PURB: variants seen among roughly 807,000 people sequenced by gnomAD.
PURB encodes the protein transcriptional regulator protein Pur-beta.
PURB carries 11 observed loss-of-function variants against 21.1 expected under a neutral mutation model. That is an observed-to-expected ratio of 0.52 (90% CI 0.33 to 0.86). The LOEUF is 0.86. PURB is among the 40% of genes least tolerant of loss of function. The pLI is 0.02. For missense variants in PURB, 357 were observed against 456.5 expected (o/e 0.78, Z 1.99); for synonymous variants, 246 against 210.8 (o/e 1.17, Z -1.45).
Position 44,880,135 on chromosome 7 carries a change from A to C in PURB, c.*4275T>G, listed in dbSNP as rs1244854470. 1 of 152,216 alleles carries C rather than the reference A, an allele frequency of 6.6e-6. No individual in the cohort carries two copies. The highest frequency in any genetic ancestry group is 1.5e-5 in the Non-Finnish European group (1 of 68,030). 9.4% of individuals were successfully genotyped at this position (152,216 alleles called of 1,614,324 possible). A position where few individuals can be genotyped will look rare whatever the true frequency, so the allele number is the denominator to read the frequency against. On this transcript the variant is annotated 3_prime_UTR_variant, in exon 1 of 1. Transcript: ENST00000395699. ...AGAGCAATTCTGATACTTCCTAAAAATATAAGATAACTCAACTGAATTAAC... is the reference window on the plus strand; with the variant it reads ...AGAGCAATTCTGATACTTCCTAAAACTATAAGATAACTCAACTGAATTAAC...
In PURB at chr7:44,877,145, T is replaced by C. The variant is rs1040507156; in HGVS notation, c.*7265A>G. ...ACTGGCAGGACATCAGTCCCAGCTT[T>C]GGAGTGAATAGTCTAAGAAAGCCAC... On this transcript the variant is annotated 3_prime_UTR_variant, in exon 1 of 1. Transcript: ENST00000395699. The C allele has an allele frequency of 6.5e-6, 1 of 152,768 alleles. No homozygotes were observed. 9.5% of individuals were successfully genotyped at this position (152,768 alleles called of 1,614,324 possible).
rs1261447043 is a variant in PURB, at chr7:44,884,959, C to T, written c.390G>A (p.Lys130=). The stretch of plus-strand genomic sequence containing the variant: ...GGTTCTCCTTGAGGTCCAGGTAGTA[C>T]TTGCGGTTCTCACGCACCAAGAATT... ...KSEFLVRENR[K]YYLDLKENQR... Residue 130 remains lysine (K), a synonymous_variant, in exon 1 of 1, where the codon AAG becomes AAA. Transcript: ENST00000395699. 1.3e-6 allele frequency: 2 copies of T among 1,578,052 alleles called. No homozygotes were observed. The highest frequency in any genetic ancestry group is 1.7e-6 in the Non-Finnish European group (2 of 1,164,852).
chr7:44,882,694 A>AG lies in PURB; in HGVS notation c.*1715dup, dbSNP rs917532057. ...ATAAATTAAAAAGGCAGCTCAAATA[A>AG]GGGGCAGGCATGCAGTTTAAAAAAA... On this transcript the variant is annotated 3_prime_UTR_variant, in exon 1 of 1. Transcript: ENST00000395699. The AG allele has an allele frequency of 1.3e-5, 2 of 152,218 alleles. No individual in the cohort carries two copies. Among genetic ancestry groups the AG allele is most frequent in the African/African-American group, 4.8e-5 (2 of 41,472 alleles). 9.4% of individuals were successfully genotyped at this position (152,218 alleles called of 1,614,324 possible). A position where few individuals can be genotyped will look rare whatever the true frequency, so the allele number is the denominator to read the frequency against.
Position 44,885,188 on chromosome 7 carries a change from G to C in PURB, c.161C>G (p.Ala54Gly). The C allele has an allele frequency of 6.3e-7, 1 of 1,588,508 alleles. No individual in the cohort carries two copies. Among genetic ancestry groups the C allele is most frequent in the Non-Finnish European group, 8.5e-7 (1 of 1,171,470 alleles). The change falls in exon 1 of 1, where the codon GCC becomes GGC. Residue 54 changes from alanine (A) to glycine (G), a missense_variant. Ala to Gly is a moderately conservative substitution (Grantham distance 60, BLOSUM62 0). Transcript: ENST00000395699. ...KRFYLDVKQN[A>G]KGRFLKIAEV... ...GGCGATCTTGAGGAAGCGGCCCTTG[G>C]CGTTCTGCTTCACATCTAAGTAGAA...
chr7:44,885,049 G>A lies in PURB; in HGVS notation c.300C>T (p.Ser100=), dbSNP rs1311137995. 2 of 1,559,874 alleles carry A rather than the reference G, an allele frequency of 1.3e-6. No homozygotes were observed. The highest frequency in any genetic ancestry group is 1.7e-6 in the Non-Finnish European group (2 of 1,156,190). The change falls in exon 1 of 1, where the codon AGC becomes AGT. Residue 100 remains serine (S), a synonymous_variant. Transcript: ENST00000395699. ...CGCCAGCCGCCAGCTGCTCGGGGCT[G>A]CTAGGGCCCAGCTGCGCGTAGTGTT... ...FIEHYAQLGP[S]SPEQLAAGAE... is the part of the protein sequence containing the mutation.
At position 44,883,473 on chromosome 7, in the gene PURB, G is replaced by A. The variant is rs1793908909; in HGVS notation, c.*937C>T. The A allele has an allele frequency of 6.6e-6, 1 of 152,606 alleles. No individual in the cohort carries two copies. The highest frequency in any genetic ancestry group is 2.4e-5 in the African/African-American group (1 of 41,430). The allele number at this position is 152,606 out of a possible 1,614,324, so 9.5% of individuals were successfully genotyped here. A position where few individuals can be genotyped will look rare whatever the true frequency, so the allele number is the denominator to read the frequency against. On this transcript the variant is annotated 3_prime_UTR_variant, in exon 1 of 1. Transcript: ENST00000395699. ...CTCATTCATACCAAAGCATTTCTTG[G>A]TAATGACCTCCATATTTAGAGATCA...
Position 44,882,434 on chromosome 7 carries a change from A to T in PURB, c.*1976T>A, listed in dbSNP as rs1223170588. 1 of 152,662 alleles carries T rather than the reference A, an allele frequency of 6.6e-6. No homozygotes were observed. Among genetic ancestry groups the T allele is most frequent in the Non-Finnish European group, 1.5e-5 (1 of 68,040 alleles). 9.5% of individuals were successfully genotyped at this position (152,662 alleles called of 1,614,324 possible). A position where few individuals can be genotyped will look rare whatever the true frequency, so the allele number is the denominator to read the frequency against. On this transcript the variant is annotated 3_prime_UTR_variant, in exon 1 of 1. Transcript: ENST00000395699. ...CTGTGGATGATGAGAGTAGAGAAAT[A>T]GTCTGAAAAGGGCACCAATGTTTGT... is the stretch of plus-strand genomic sequence containing the variant.
chr7:44,884,199 C>T lies in PURB; in HGVS notation c.*211G>A. The T allele has an allele frequency of 2.6e-6, 3 of 1,164,044 alleles. No individual in the cohort carries two copies. The highest frequency in any genetic ancestry group is 3.5e-6 in the Non-Finnish European group (3 of 857,248). The allele number at this position is 1,164,044 out of a possible 1,614,324, so 72.1% of individuals were successfully genotyped here. On this transcript the variant is annotated 3_prime_UTR_variant, in exon 1 of 1. Transcript: ENST00000395699. Reference sequence around the variant, plus strand: ...ATGCTGTTTTCCTCTTTGCAGGTTGCTGTCAGTTCCTTGGAACTTGACTGC... The same window carrying T: ...ATGCTGTTTTCCTCTTTGCAGGTTGTTGTCAGTTCCTTGGAACTTGACTGC...
At position 44,882,575 on chromosome 7, in the gene PURB, G is replaced by A. The variant is rs901026981; in HGVS notation, c.*1835C>T. ...CCCGCCCTCTCAGCCACAAATACAT[G>A]AAAACCTTTTTGTATATTACTCATT... On this transcript the variant is annotated 3_prime_UTR_variant, in exon 1 of 1. Transcript: ENST00000395699. 2 of 152,188 alleles carry A rather than the reference G, an allele frequency of 1.3e-5. No homozygotes were observed. The highest frequency in any genetic ancestry group is 4.8e-5 in the African/African-American group (2 of 41,486). The allele number at this position is 152,188 out of a possible 1,614,324, so 9.4% of individuals were successfully genotyped here.
Position 44,877,664 on chromosome 7 carries a change from C to G in PURB, c.*6746G>C, listed in dbSNP as rs1317709708. The G allele has an allele frequency of 6.6e-5, 10 of 152,118 alleles. No homozygotes were observed. The allele number at this position is 152,118 out of a possible 1,614,324, so 9.4% of individuals were successfully genotyped here. A position where few individuals can be genotyped will look rare whatever the true frequency, so the allele number is the denominator to read the frequency against. The stretch of plus-strand genomic sequence containing the variant: ...CTAAAAATACAGAAAATTAGCTGGG[C>G]ATGGTGGCACATGCTTGTAATCCCA... On this transcript the variant is annotated 3_prime_UTR_variant, in exon 1 of 1. Coordinates refer to ENST00000395699, the MANE Select transcript of PURB (RefSeq NM_033224.5).
In PURB at chr7:44,884,225, T is replaced by C; in HGVS notation, c.*185A>G. 1 of 1,356,588 alleles carries C rather than the reference T, an allele frequency of 7.4e-7. No homozygotes were observed. The allele number at this position is 1,356,588 out of a possible 1,614,324, so 84.0% of individuals were successfully genotyped here. A position where few individuals can be genotyped will look rare whatever the true frequency, so the allele number is the denominator to read the frequency against. The stretch of plus-strand genomic sequence containing the variant: ...TGTCAGTTCCTTGGAACTTGACTGC[T>C]TTTCTCAAGTTGTCCGTCACTGTTC... On this transcript the variant is annotated 3_prime_UTR_variant, in exon 1 of 1. Coordinates refer to ENST00000395699, the MANE Select transcript of PURB (RefSeq NM_033224.5).
Position 44,884,657 on chromosome 7 carries a change from C to A in PURB, c.692G>T (p.Arg231Leu), listed in dbSNP as rs1468492876. ...EGTSITVDSK[R>L]FFFDVGCNKY... ...GTTGCAGCCCACATCGAAGAAGAAGCGCTTGGAGTCCACGGTGATGGAGGT... is the reference window on the plus strand; with the variant it reads ...GTTGCAGCCCACATCGAAGAAGAAGAGCTTGGAGTCCACGGTGATGGAGGT... Residue 231 changes from arginine to leucine, a missense_variant, in exon 1 of 1, where the codon CGC (arginine) becomes CTC (leucine). Physicochemically the swap from Arg to Leu is moderately radical, Grantham distance 102. Transcript: ENST00000395699. 6.2e-7 allele frequency: 1 copy of A among 1,614,180 alleles called. No homozygotes were observed. The highest frequency in any genetic ancestry group is 1.3e-5 in the African/African-American group (1 of 75,062).
chr7:44,882,663 T>A lies in PURB; in HGVS notation c.*1747A>T, dbSNP rs1793894634. ...TACCAAAATAAGATAATAAAAAGGA[T>A]ATGCAATAAATTAAAAAGGCAGCTC... On this transcript the variant is annotated 3_prime_UTR_variant, in exon 1 of 1. Transcript: ENST00000395699. The A allele has an allele frequency of 6.6e-6, 1 of 152,114 alleles. No homozygotes were observed. The highest frequency in any genetic ancestry group is 6.6e-5 in the Admixed American group (1 of 15,266). 9.4% of individuals were successfully genotyped at this position (152,114 alleles called of 1,614,324 possible).
At position 44,884,998 on chromosome 7, in the gene PURB, G is replaced by T; in HGVS notation, c.351C>A (p.Arg117=). The T allele has an allele frequency of 1.3e-6, 2 of 1,545,894 alleles. No individual in the cohort carries two copies. ...AGAEEGGGPR[R]ALKSEFLVRE... is the part of the protein sequence containing the mutation. ...GCACCAAGAATTCGCTCTTGAGCGC[G>T]CGCCGCGGCCCGCCGCCCTCCTCGG... The change falls in exon 1 of 1, where the codon CGC becomes CGA. Residue 117 remains arginine, a synonymous_variant. Coordinates refer to ENST00000395699, the MANE Select transcript of PURB (RefSeq NM_033224.5).
rs1279794576 is a variant in PURB, at chr7:44,878,743, G to A, written c.*5667C>T. ...CTCTAAGGTAATAAGTTTTCTTGAT[G>A]CGATTTTATTATTTTTTCATTTTCC... On this transcript the variant is annotated 3_prime_UTR_variant, in exon 1 of 1. Coordinates refer to ENST00000395699, the MANE Select transcript of PURB (RefSeq NM_033224.5). 2.6e-5 allele frequency: 4 copies of A among 152,576 alleles called. No homozygotes were observed. The highest frequency in any genetic ancestry group is 5.9e-5 in the Non-Finnish European group (4 of 68,056). The allele number at this position is 152,576 out of a possible 1,614,324, so 9.5% of individuals were successfully genotyped here.
chr7:44,878,637 T>C lies in PURB; in HGVS notation c.*5773A>G, dbSNP rs1400756817. The C allele has an allele frequency of 6.6e-6, 1 of 152,670 alleles. No individual in the cohort carries two copies. The highest frequency in any genetic ancestry group is 1.9e-4 in the East Asian group (1 of 5,206). The allele number at this position is 152,670 out of a possible 1,614,324, so 9.5% of individuals were successfully genotyped here. On this transcript the variant is annotated 3_prime_UTR_variant, in exon 1 of 1. Transcript: ENST00000395699. ...AATAGAGGTGATTACACTGATGGCATATTCCCTATTTCTTTAGGAAATATA... is the reference window on the plus strand; with the variant it reads ...AATAGAGGTGATTACACTGATGGCACATTCCCTATTTCTTTAGGAAATATA...
In PURB at chr7:44,879,401, GTTTTT is replaced by G. The variant is rs78309085; in HGVS notation, c.*5004_*5008del. On this transcript the variant is annotated 3_prime_UTR_variant, in exon 1 of 1. Coordinates refer to ENST00000395699, the MANE Select transcript of PURB (RefSeq NM_033224.5). Reference sequence around the variant, plus strand: ...GTCTGTATTTTCTTAAGGTAAATGTGTTTTTTTTTTTTTCTTTTTTCTTTTCTACA... The same window carrying G: ...GTCTGTATTTTCTTAAGGTAAATGTGTTTTTTTTCTTTTTTCTTTTCTACA... 7.1e-6 allele frequency: 1 copy of G among 141,152 alleles called. No homozygotes were observed. Among genetic ancestry groups the G allele is most frequent in the Non-Finnish European group, 1.5e-5 (1 of 65,472 alleles). 8.7% of individuals were successfully genotyped at this position (141,152 alleles called of 1,614,324 possible). A position where few individuals can be genotyped will look rare whatever the true frequency, so the allele number is the denominator to read the frequency against.
rs1177751584 is a variant in PURB, at chr7:44,879,040, A to G, written c.*5370T>C. 6.6e-6 allele frequency: 1 copy of G among 151,990 alleles called. No homozygotes were observed. The highest frequency in any genetic ancestry group is 2.4e-5 in the African/African-American group (1 of 41,388). The allele number at this position is 151,990 out of a possible 1,614,324, so 9.4% of individuals were successfully genotyped here. Reference sequence around the variant, plus strand: ...CTGCCATTTCCACCTTACATTTGGAATTTATTTATTTATTTTTTGAGACGG... The same window carrying G: ...CTGCCATTTCCACCTTACATTTGGAGTTTATTTATTTATTTTTTGAGACGG... On this transcript the variant is annotated 3_prime_UTR_variant, in exon 1 of 1. Transcript: ENST00000395699.
chr7:44,884,776 G>T lies in PURB; in HGVS notation c.573C>A (p.Asp191Glu). The stretch of plus-strand genomic sequence containing the variant: ...GCTCGTCGTCCTCGCCTCCGTAGTC[G>T]TCTATGAGCTTCGCCAGCGCGTCGC... ...EFRDALAKLIDDYGGEDDELA... is the reference protein window; with the variant it reads ...EFRDALAKLIEDYGGEDDELA... The change falls in exon 1 of 1, where the codon GAC (aspartate) becomes GAA (glutamate). Residue 191 changes from aspartate (D) to glutamate (E), a missense_variant. Physicochemically the swap from Asp to Glu is conservative, Grantham distance 45. Transcript: ENST00000395699. 4 of 1,608,964 alleles carry T rather than the reference G, an allele frequency of 2.5e-6. No homozygotes were observed. Among genetic ancestry groups the T allele is most frequent in the Non-Finnish European group, 3.4e-6 (4 of 1,178,514 alleles).
Sources: gnomAD v4.1 joint callset for allele counts on GRCh38, gnomAD v4.1.1 for gene constraint, MANE v1.5 for transcripts, NCBI Gene and HGNC (gene_info 2026-07-23, HGNC 2026-07-21) for gene names.